The following ZNF385B variants were observed in gnomAD, a reference collection of about 807,000 sequenced individuals.
ZNF385B encodes the protein zinc finger protein 385B.
A neutral mutation model predicts 39.2 loss-of-function variants in ZNF385B; 23 were observed. The ratio of observed to expected loss-of-function variants is 0.59; its 90% CI spans 0.42 to 0.83. The LOEUF is 0.83. Among genes scored for constraint, ZNF385B ranks in the 40% least tolerant of loss-of-function variants. The pLI is 0.00. For synonymous variants in ZNF385B, 205 were observed against 222.6 expected, an observed-to-expected ratio of 0.92 and a Z score of 0.70; for missense variants, 552 against 598.9, an observed-to-expected ratio of 0.92 and a Z score of 0.82.
At chr2:179,571,162 T>C (rs1467907247) in intron 3 of ZNF385B, among the ~76,000 whole-genome samples, 2 of 152,198 alleles carry the variant, frequency 1.3e-5, no homozygotes, top group Non-Finnish European at 1.5e-5. Context: ...ACTGAAAGAA[T>C]TCCAGAAAGT....
At chr2:179,660,197 G>A (rs1694306669) in intron 3 of ZNF385B, 2 of 152,566 alleles carry the variant, frequency 1.3e-5, no homozygotes, top group Middle Eastern at 6.8e-3. Context: ...TTGAGTGTGA[G>A]CCTTCACAAA....
chr2:179,688,712 T>C (rs1698121412), intron 3 of ZNF385B, among the ~76,000 whole-genome samples: 1 of 152,286 alleles, frequency 6.6e-6, no homozygotes, highest in Non-Finnish European at 1.5e-5. Context: ...TTTTTGAGGA[T>C]ACAATACATT....
chr2:179,721,146 T>TA (rs1700675299), intron 3 of ZNF385B, among the ~76,000 whole-genome samples: 1 of 152,008 alleles, frequency 6.6e-6, no homozygotes, highest in Non-Finnish European at 1.5e-5. Flanking sequence ...TAAGTAATGA[T>TA]AAAATTTCAA....
intron 6 of ZNF385B, 128 bp from the exon 7 acceptor site, chr2:179,446,898 G>T: frequency 8.4e-7 from 1 of 1,189,566 alleles, no homozygotes; most frequent in Non-Finnish European, 1.2e-6. Context: ...ATAGATTTCA[G>T]TTTATAGAGG....
At chr2:179,458,448 G>A (rs917928467) in intron 6 of ZNF385B, among the ~76,000 whole-genome samples, 18 of 152,082 alleles carry the variant, frequency 1.2e-4, no homozygotes, top group African/African-American at 4.1e-4. Flanking sequence ...GCCTTTATCA[G>A]CAGCATGAAA....
chr2:179,803,194 A>T (rs951692338), intron 1 of ZNF385B, among the ~76,000 whole-genome samples: 3 of 152,184 alleles, frequency 2.0e-5, no homozygotes, highest in African/African-American at 7.2e-5. Context: ...AGTGTTGTTC[A>T]TCATGACATT....
intron 1 of ZNF385B, among the ~76,000 whole-genome samples, chr2:179,798,613 A>G (rs1705830631): frequency 6.6e-6 from 1 of 152,090 alleles, no homozygotes; most frequent in African/African-American, 2.4e-5. Context: ...TACTAGTGTC[A>G]GGATCACAAT....
intron 3 of ZNF385B, among the ~76,000 whole-genome samples, chr2:179,675,204 T>C (rs1696586237): frequency 6.6e-6 from 1 of 152,204 alleles, no homozygotes. Flanking sequence ...GAAAATCTTA[T>C]TTAGAAAATA....
chr2:179,646,761 A>G (rs1692755863), intron 3 of ZNF385B, among the ~76,000 whole-genome samples: 2 of 152,242 alleles, frequency 1.3e-5, no homozygotes, highest in Admixed American at 1.3e-4. Context: ...AATGTCATGA[A>G]TAAACAGATT....
intron 3 of ZNF385B, among the ~76,000 whole-genome samples, chr2:179,675,732 G>T (rs1696667095): frequency 6.6e-6 from 1 of 151,996 alleles, no homozygotes; most frequent in African/African-American, 2.4e-5. Context: ...GGATGAATTT[G>T]GTAGGCCACT....
intron 1 of ZNF385B, among the ~76,000 whole-genome samples, chr2:179,827,908 T>C (rs1707769433): frequency 6.6e-6 from 1 of 152,184 alleles, no homozygotes; most frequent in African/African-American, 2.4e-5. Flanking sequence ...ATCCTGACTT[T>C]TGATACCATG....
intron 3 of ZNF385B, among the ~76,000 whole-genome samples, chr2:179,581,548 T>C (rs1414991088): frequency 6.6e-6 from 1 of 152,218 alleles, no homozygotes; most frequent in Non-Finnish European, 1.5e-5. Flanking sequence ...TCACACTAAT[T>C]ATCTTCCAGA....
At chr2:179,696,326 C>CTGTTTTTTTTT (rs1698742555) in intron 3 of ZNF385B, among the ~76,000 whole-genome samples, 1 of 40,354 alleles carries the variant, frequency 2.5e-5, no homozygotes, top group Non-Finnish European at 4.1e-5. Flanking sequence ...CAAACTGGGA[C>CTGTTTTTTTTT]TTTTTTTTTT....
intron 1 of ZNF385B, among the ~76,000 whole-genome samples, chr2:179,800,351 T>C (rs887005082): frequency 6.6e-6 from 1 of 152,022 alleles, no homozygotes; most frequent in African/African-American, 2.4e-5. Flanking sequence ...TTATTTATAG[T>C]TGCCCTTTTT....
intron 3 of ZNF385B, among the ~76,000 whole-genome samples, chr2:179,756,376 G>T (rs1460330318): frequency 1.3e-5 from 2 of 152,158 alleles, no homozygotes; most frequent in Non-Finnish European, 2.9e-5. Context: ...CTTCCTTTGT[G>T]GGTAACCCGA....
rs778803115 is a variant in ZNF385B, at chr2:179,553,101, T to C, written c.299-8132A>G. Reference sequence around the variant, plus strand: ...ACCATGCTATGGTCACCAAATTGTATAGGTGAAAACATTCCAGTCATATAG... The same window carrying C: ...ACCATGCTATGGTCACCAAATTGTACAGGTGAAAACATTCCAGTCATATAG... On this transcript the variant is annotated intron_variant, in intron 3 of 9. Coordinates refer to ENST00000410066, the MANE Select transcript of ZNF385B (RefSeq NM_152520.6). Among the ~76,000 whole-genome samples the C allele has an allele frequency of 4.5e-4, 67 of 148,946 alleles. 5 individuals are homozygous for C. Among genetic ancestry groups the C allele is most frequent in the Non-Finnish European group, 6.1e-4 (41 of 67,446 alleles).
At chr2:179,721,927 A>T (rs2106407393) in intron 3 of ZNF385B, among the ~76,000 whole-genome samples, 1 of 152,214 alleles carries the variant, frequency 6.6e-6, no homozygotes, top group African/African-American at 2.4e-5. Context: ...AAACAAAGAC[A>T]CTTAACATTT....
intron 3 of ZNF385B, among the ~76,000 whole-genome samples, chr2:179,755,818 A>T (rs1173825033): frequency 2.6e-5 from 4 of 152,140 alleles, no homozygotes. Context: ...TTTTGAGCCT[A>T]TGTGTGTCTC....
At chr2:179,855,940 G>C (rs1684558900) in intron 1 of ZNF385B, among the ~76,000 whole-genome samples, 2 of 152,110 alleles carry the variant, frequency 1.3e-5, no homozygotes, top group Non-Finnish European at 2.9e-5. Flanking sequence ...GGTGGTGAGT[G>C]GCTAAGCCAT....
Sources: allele counts gnomAD v4.1 joint callset (sites outside exome capture counted in the v4.1 genomes callset), GRCh38; gene constraint gnomAD v4.1.1; transcripts MANE v1.5; gene names NCBI Gene and HGNC (gene_info 2026-07-23, HGNC 2026-07-21).